CCDC83: variants seen among roughly 807,000 people sequenced by gnomAD.
CCDC83 encodes the protein coiled-coil domain-containing protein 83.
Under a neutral mutation model 50.1 loss-of-function variants are expected in CCDC83, and 54 were observed. The ratio of observed to expected loss-of-function variants is 1.08; its 90% CI spans 0.87 to 1.35. The LOEUF (loss-of-function observed/expected upper bound fraction) is 1.35, where lower values mean the gene tolerates loss of function less well. Among genes scored for constraint, CCDC83 ranks in the 40% most tolerant of loss-of-function variants. CCDC83 has a pLI of 0.00. For synonymous variants in CCDC83, 161 were observed against 153.3 expected (o/e 1.05, Z -0.37); for missense variants, 518 against 473.9 (o/e 1.09, Z -0.86).
chr11:85,861,998 T>TTAAAA (rs1555268611), intron 1 of CCDC83, among the ~76,000 whole-genome samples: 1 of 94,846 alleles, frequency 1.1e-5, no homozygotes, highest in African/African-American at 5.0e-5. Context: ...CCTGTCTCAT[T>TTAAAA]AAAAAAAAAA....
intron 5 of CCDC83, 26 bp from the exon 6 acceptor site, chr11:85,895,267 T>A (rs768290229): frequency 0.011 from 4,131 of 361,182 alleles, 29 homozygotes; most frequent in Admixed American, 0.031. Flanking sequence ...TAATTTTCTT[T>A]TTTTTTTTTT....
intron 8 of CCDC83, among the ~76,000 whole-genome samples, chr11:85,914,402 A>G (rs1467471270): frequency 6.6e-6 from 1 of 152,196 alleles, no homozygotes; most frequent in Non-Finnish European, 1.5e-5. Flanking sequence ...ACACTCTAAA[A>G]AGGAGAGCAC....
chr11:85,903,260 G>C (rs770720127), intron 7 of CCDC83, among the ~76,000 whole-genome samples: 4 of 151,964 alleles, frequency 2.6e-5, no homozygotes, highest in Non-Finnish European at 4.4e-5. Flanking sequence ...TGCATGTGTT[G>C]TTCAAGCACC....
intron 1 of CCDC83, among the ~76,000 whole-genome samples, chr11:85,859,637 G>A (rs1174038055): frequency 6.6e-6 from 1 of 152,116 alleles, no homozygotes; most frequent in African/African-American, 2.4e-5. Flanking sequence ...ATTGAAACTG[G>A]ACCCCTTCCT....
chr11:85,863,180 T>C (rs963463258), intron 1 of CCDC83, among the ~76,000 whole-genome samples: 1 of 152,238 alleles, frequency 6.6e-6, no homozygotes, highest in Non-Finnish European at 1.5e-5. Flanking sequence ...AAATATTTTA[T>C]AGTAAAAATT....
Position 85,917,175 on chromosome 11 carries a change from A to G in CCDC83, c.1080+942A>G, listed in dbSNP as rs1163323871. ...GAGAGAGAGAGAGAGAGAGAAAGAA[A>G]GAAAGAAAGAAAGAAAGAGAAAGAA... is the stretch of plus-strand genomic sequence containing the variant. On this transcript the variant is annotated intron_variant, in intron 10 of 10. Transcript: ENST00000342404. 8.6e-5 allele frequency among the ~76,000 whole-genome samples: 10 copies of G among 115,990 alleles called. 1 individual carries two copies. Among genetic ancestry groups the G allele is most frequent in the African/African-American group, 3.4e-4 (10 of 29,016 alleles). The allele number at this position is 115,990 out of a possible 152,430, so 76.1% of individuals were successfully genotyped here. A position where few individuals can be genotyped will look rare whatever the true frequency, so the allele number is the denominator to read the frequency against.
At chr11:85,882,794 T>C (rs2093307818) in intron 4 of CCDC83, 119 bp downstream of exon 4, 1 of 888,424 alleles carries the variant, frequency 1.1e-6, no homozygotes, top group Non-Finnish European at 1.7e-6. Context: ...AACGGCATCA[T>C]TACCACCGCA....
intron 5 of CCDC83, among the ~76,000 whole-genome samples, chr11:85,887,890 C>T (rs1220560997): frequency 6.7e-6 from 1 of 148,444 alleles, no homozygotes; most frequent in African/African-American, 2.5e-5. Context: ...GCAGCCTCAA[C>T]CTCCCAGGCT....
intron 1 of CCDC83, among the ~76,000 whole-genome samples, chr11:85,861,425 C>T (rs1448653263): frequency 1.3e-5 from 2 of 152,136 alleles, no homozygotes; most frequent in African/African-American, 4.8e-5. Context: ...ATGGCTGAGC[C>T]ACAACTAGAC....
intron 4 of CCDC83, among the ~76,000 whole-genome samples, chr11:85,883,075 G>C (rs2093309511): frequency 6.6e-6 from 1 of 151,980 alleles, no homozygotes; most frequent in South Asian, 2.1e-4. Context: ...ACACCACTAT[G>C]CCTGAGAATT....
chr11:85,917,066 G>A (rs1158326530), intron 10 of CCDC83, among the ~76,000 whole-genome samples: 1 of 150,322 alleles, frequency 6.7e-6, no homozygotes, highest in African/African-American at 2.5e-5. Context: ...AGCAGAGACT[G>A]TATCATTGCA....
chr11:85,912,640 T>C (rs2093459929), intron 8 of CCDC83: 1 of 1,563,396 alleles, frequency 6.4e-7, no homozygotes, highest in African/African-American at 1.4e-5. Flanking sequence ...CCCTCCTCTC[T>C]GTGATCAGGT....
In CCDC83 at chr11:85,895,441, C is replaced by A. The variant is rs1232559278; in HGVS notation, c.603+57C>A. ...AACAAACATTTTCCCCCTATTTTTTCTTTGGGTATATTATAGTGGTTAAGA... is the reference window on the plus strand; with the variant it reads ...AACAAACATTTTCCCCCTATTTTTTATTTGGGTATATTATAGTGGTTAAGA... On this transcript the variant is annotated intron_variant, in intron 6 of 10. Coordinates refer to ENST00000342404, the MANE Select transcript of CCDC83 (RefSeq NM_001286159.2). 9 of 1,135,228 alleles carry A rather than the reference C, an allele frequency of 7.9e-6. No individual in the cohort carries two copies. In the South Asian group the frequency reaches 9.5e-5, roughly 12 times the overall value. The allele number at this position is 1,135,228 out of a possible 1,614,324, so 70.3% of individuals were successfully genotyped here.
chr11:85,874,041 A>C (rs1360996511), intron 3 of CCDC83, among the ~76,000 whole-genome samples: 5 of 152,158 alleles, frequency 3.3e-5, no homozygotes, highest in African/African-American at 1.2e-4. Flanking sequence ...TTGCATCCTG[A>C]CTGTACAGCT....
chr11:85,869,425 TG>T (rs2093225114), intron 2 of CCDC83, among the ~76,000 whole-genome samples: 1 of 152,196 alleles, frequency 6.6e-6, no homozygotes, highest in Non-Finnish European at 1.5e-5. Flanking sequence ...TAAAAACATG[TG>T]GGTATGGTTA....
intron 2 of CCDC83, among the ~76,000 whole-genome samples, chr11:85,867,310 G>A (rs1468635210): frequency 6.6e-6 from 1 of 152,098 alleles, no homozygotes; most frequent in East Asian, 1.9e-4. Flanking sequence ...GGGATTTCAG[G>A]CATGAGCCAC....
chr11:85,894,777 C>T (rs989404305), intron 5 of CCDC83, among the ~76,000 whole-genome samples: 4 of 152,160 alleles, frequency 2.6e-5, no homozygotes, highest in African/African-American at 9.7e-5. Context: ...ACAAATTGGA[C>T]TCATTTGTCC....
rs2135167812 is a variant in CCDC83 at position 85,919,564 on chromosome 11, C to G, written c.*54C>G. The G allele has an allele frequency of 3.0e-6, 4 of 1,350,658 alleles. No individual in the cohort carries two copies. The South Asian group carries it at 3.8e-5, about 13-fold the overall frequency. The allele number at this position is 1,350,658 out of a possible 1,614,324, so 83.7% of individuals were successfully genotyped here. A position where few individuals can be genotyped will look rare whatever the true frequency, so the allele number is the denominator to read the frequency against. ...TTTCCTTATAAATGTTCTTTGGGAA[C>G]TGAAGTATATCCGTTGCCCATTTTA... On this transcript the variant is annotated 3_prime_UTR_variant, in exon 11 of 11. Transcript: ENST00000342404.
At chr11:85,878,869 C>T (rs1428993293) in intron 3 of CCDC83, among the ~76,000 whole-genome samples, 2 of 152,092 alleles carry the variant, frequency 1.3e-5, no homozygotes, top group Non-Finnish European at 2.9e-5. Context: ...TTATGTTAGC[C>T]TTCTGGTAGG....
Sources: gnomAD v4.1 joint callset for allele counts (sites outside exome capture counted in the v4.1 genomes callset) on GRCh38, gnomAD v4.1.1 for gene constraint, MANE v1.5 for transcripts, NCBI Gene and HGNC (gene_info 2026-07-23, HGNC 2026-07-21) for gene names.